Variants in MRPL3 observed in about 807,000 individuals in gnomAD.
MRPL3 encodes mitochondrial ribosomal protein L3, also known as large ribosomal subunit protein uL3m.
A neutral mutation model predicts 44.3 loss-of-function variants in MRPL3; 43 were observed. That is an observed-to-expected ratio of 0.97 (90% CI 0.76 to 1.25). MRPL3 has a LOEUF of 1.25. Among genes scored for constraint, MRPL3 ranks in the 50% most tolerant of loss-of-function variants. The pLI is 0.00. For synonymous variants in MRPL3, 171 were observed against 152.3 expected (o/e 1.12, Z -0.91); for missense variants, 406 against 427.6 (o/e 0.95, Z 0.45).
intron 6 of MRPL3, among the ~76,000 whole-genome samples, chr3:131,471,613 G>C (rs1933745933): frequency 6.6e-6 from 1 of 152,148 alleles, no homozygotes; most frequent in Admixed American, 6.5e-5. Context: ...AAAAGCTCTA[G>C]AAGTTTCAAA....
intron 5 of MRPL3, 108 bp downstream of exon 5, chr3:131,489,873 G>A: frequency 5.1e-6 from 3 of 584,702 alleles, no homozygotes; most frequent in South Asian, 4.7e-5. Context: ...TTAAAAGTAA[G>A]TGTTTGAGAC....
intron 9 of MRPL3, among the ~76,000 whole-genome samples, chr3:131,463,293 A>C (rs769225676): frequency 6.6e-6 from 1 of 152,124 alleles, no homozygotes; most frequent in Non-Finnish European, 1.5e-5. Flanking sequence ...TTATTAAGGA[A>C]ATCAGCTTAC....
At chr3:131,485,796 AG>A (rs1934104466) in intron 6 of MRPL3, among the ~76,000 whole-genome samples, 1 of 152,242 alleles carries the variant, frequency 6.6e-6, no homozygotes, top group African/African-American at 2.4e-5. Context: ...ATTTGAAACT[AG>A]GAAGAATGCA....
chr3:131,497,896 T>C, intron 4 of MRPL3: 1 of 330,520 alleles, frequency 3.0e-6, no homozygotes, highest in South Asian at 4.9e-5. Context: ...ATAAATCTAT[T>C]AGGTATGTAG....
intron 1 of MRPL3, 85 bp downstream of exon 1, chr3:131,502,645 C>T: frequency 8.8e-7 from 1 of 1,138,622 alleles, no homozygotes; most frequent in Non-Finnish European, 1.3e-6. Context: ...CTTCCTCCTC[C>T]ACCCAGGGGA....
intron 4 of MRPL3, among the ~76,000 whole-genome samples, chr3:131,495,197 C>T (rs571484809): frequency 6.6e-6 from 1 of 152,126 alleles, no homozygotes; most frequent in African/African-American, 2.4e-5. Context: ...CATAGGTCTT[C>T]GTTTTTTAAA....
chr3:131,502,012 A>C, intron 1 of MRPL3: 3 of 1,033,796 alleles, frequency 2.9e-6, no homozygotes, highest in Non-Finnish European at 4.2e-6. Flanking sequence ...CCACTAACCC[A>C]TTTGGAAGTG....
chr3:131,482,380 G>A (rs916492206), intron 6 of MRPL3, among the ~76,000 whole-genome samples: 9 of 152,150 alleles, frequency 5.9e-5, no homozygotes, highest in African/African-American at 2.2e-4. Flanking sequence ...GTTGGGCGTG[G>A]TGGCAGTTGC....
Position 131,468,174 on chromosome 3 carries a change from G to C in MRPL3, c.817-6C>G. On this transcript the variant is annotated splice_polypyrimidine_tract_variant and splice_region_variant and intron_variant, in intron 8 of 9. Transcript: ENST00000264995. ...TTTGTGTTTATTCTCCACACCTAAA[G>C]CATGAAATAAAACCAAAAATTTTAG... 6.4e-7 allele frequency: 1 copy of C among 1,570,668 alleles called. No homozygotes were observed. Among genetic ancestry groups the C allele is most frequent in the Non-Finnish European group, 8.6e-7 (1 of 1,161,532 alleles).
rs901771900 is a variant in MRPL3 at position 131,476,824 on chromosome 3, G to C, written c.630-5545C>G. ...TAGCTGTAGTGCCCAGTCTAGAGAA[G>C]CAGAGTAAAATTTGTTACTGGCTAT... On this transcript the variant is annotated intron_variant, in intron 6 of 9. Transcript: ENST00000264995. Among the ~76,000 whole-genome samples the C allele has an allele frequency of 2.0e-5, 3 of 152,328 alleles. No individual in the cohort carries two copies. The East Asian group carries it at 5.8e-4, about 29-fold the overall frequency.
intron 9 of MRPL3, among the ~76,000 whole-genome samples, chr3:131,467,663 T>C (rs1336625838): frequency 2.0e-5 from 3 of 152,112 alleles, no homozygotes; most frequent in Middle Eastern, 3.2e-3. Context: ...CCTTTTGCCA[T>C]GATTGTAAGT....
At chr3:131,474,839 A>G (rs915304430) in intron 6 of MRPL3, among the ~76,000 whole-genome samples, 2 of 149,700 alleles carry the variant, frequency 1.3e-5, no homozygotes, top group African/African-American at 2.5e-5. Context: ...TGGTACAGTG[A>G]TAACTCACTG....
intron 9 of MRPL3, among the ~76,000 whole-genome samples, chr3:131,466,306 G>C (rs1933599452): frequency 6.6e-6 from 1 of 151,994 alleles, no homozygotes; most frequent in Non-Finnish European, 1.5e-5. Context: ...TCAATGAAGA[G>C]TATACTCTGG....
At chr3:131,480,123 G>C (rs1933947406) in intron 6 of MRPL3, among the ~76,000 whole-genome samples, 1 of 152,196 alleles carries the variant, frequency 6.6e-6, no homozygotes, top group South Asian at 2.1e-4. Flanking sequence ...AACTCATGAT[G>C]AACTAATATG....
rs569074550 is a variant in MRPL3, at chr3:131,485,512, TC to T, written c.629+2167del. The stretch of plus-strand genomic sequence containing the variant: ...TAATCTGATTTACAACACACATATT[TC>T]CCCAACTAACCAAATCAAAGCTTTT... On this transcript the variant is annotated intron_variant, in intron 6 of 9. Transcript: ENST00000264995. 1.5e-3 allele frequency among the ~76,000 whole-genome samples: 223 copies of T among 152,278 alleles called. 1 individual carries two copies. Among genetic ancestry groups the T allele is most frequent in the African/African-American group, 5.1e-3 (210 of 41,544 alleles).
At chr3:131,498,337 C>A in intron 3 of MRPL3, 60 bp from the exon 4 acceptor site, 2 of 1,119,018 alleles carry the variant, frequency 1.8e-6, no homozygotes, top group South Asian at 2.6e-5. Flanking sequence ...ACATTACAAA[C>A]CAGCCCCATT....
At chr3:131,480,211 T>C (rs1933950315) in intron 6 of MRPL3, among the ~76,000 whole-genome samples, 1 of 152,228 alleles carries the variant, frequency 6.6e-6, no homozygotes, top group African/African-American at 2.4e-5. Context: ...CTTACTTGCA[T>C]TTCCACATAG....
At chr3:131,478,977 G>A (rs1274992328) in intron 6 of MRPL3, 1 of 362,696 alleles carries the variant, frequency 2.8e-6, no homozygotes, top group Non-Finnish European at 5.4e-6. Context: ...ACAGGTGTGA[G>A]CCACTATGCC....
chr3:131,497,407 A>G (rs1047756222), intron 4 of MRPL3, among the ~76,000 whole-genome samples: 3 of 152,256 alleles, frequency 2.0e-5, no homozygotes, highest in Admixed American at 1.3e-4. Context: ...AACACCTGAT[A>G]GTTTTGACAG....
Sources: allele counts gnomAD v4.1 joint callset (sites outside exome capture counted in the v4.1 genomes callset), GRCh38; gene constraint gnomAD v4.1.1; transcripts MANE v1.5; gene names NCBI Gene and HGNC (gene_info 2026-07-23, HGNC 2026-07-21).